Variants in CRACD observed in about 807,000 individuals in gnomAD.
The protein encoded by CRACD is capping protein inhibiting regulator of actin dynamics.
CRACD carries 56 observed loss-of-function variants against 106.8 expected under a neutral mutation model. The ratio of observed to expected loss-of-function variants is 0.52; its 90% confidence interval spans 0.42 to 0.66. CRACD has a LOEUF of 0.66. Among genes scored for constraint, CRACD ranks in the 30% least tolerant of loss-of-function variants. The pLI, the probability that CRACD is intolerant of heterozygous loss-of-function variation, is 0.00. For synonymous variants in CRACD, 754 were observed against 670.8 expected (o/e 1.12, Z -1.92); for missense variants, 1,730 against 1,623.2 (o/e 1.07, Z -1.13).
At chr4:56,159,130 T>C (rs548245632) in intron 1 of CRACD, among the ~76,000 whole-genome samples, 3 of 152,334 alleles carry the variant, frequency 2.0e-5, no homozygotes, top group African/African-American at 4.8e-5. Context: ...TATAAAGTTA[T>C]AGAAAGGAAG....
chr4:56,208,970 G>T (rs1044091698), intron 2 of CRACD, among the ~76,000 whole-genome samples: 1 of 151,998 alleles, frequency 6.6e-6, no homozygotes, highest in African/African-American at 2.4e-5. Context: ...GGCAGAATCT[G>T]TCTCTCTCTC....
At chr4:56,238,575 G>A (rs1740137437) in intron 2 of CRACD, among the ~76,000 whole-genome samples, 2 of 152,214 alleles carry the variant, frequency 1.3e-5, no homozygotes, top group African/African-American at 2.4e-5. Context: ...GGAACATGGA[G>A]AGGATGGATA....
chr4:56,074,986 A>G lies in CRACD; in HGVS notation c.-336+25687A>G, dbSNP rs191897233. ...TGGTTCTGTTTATGTAATGGATTAC[A>G]TTTATTGATTTGTGTATGTTAAACC... On this transcript the variant is annotated intron_variant, in intron 1 of 10. Transcript: ENST00000682029. Among the ~76,000 whole-genome samples the G allele has an allele frequency of 2.5e-3, 381 of 152,284 alleles. 2 individuals carry two copies. Among genetic ancestry groups the G allele is most frequent in the African/African-American group, 8.1e-3 (336 of 41,558 alleles).
intron 3 of CRACD, among the ~76,000 whole-genome samples, chr4:56,285,448 T>C (rs1743281264): frequency 6.6e-6 from 1 of 152,024 alleles, no homozygotes; most frequent in South Asian, 2.1e-4. Context: ...TAATAACTTT[T>C]TTTTTTTAAG....
chr4:56,252,318 C>T (rs1046897957), intron 2 of CRACD, among the ~76,000 whole-genome samples: 7 of 152,192 alleles, frequency 4.6e-5, no homozygotes, highest in Non-Finnish European at 7.3e-5. Context: ...CTTTGAACGC[C>T]TAGGTACACA....
intron 2 of CRACD, among the ~76,000 whole-genome samples, chr4:56,227,954 G>T (rs1350133958): frequency 6.6e-6 from 1 of 152,074 alleles, no homozygotes; most frequent in East Asian, 1.9e-4. Context: ...TTTAGACCTG[G>T]CTCAGTATTG....
intron 1 of CRACD, chr4:56,170,313 G>C (rs1736311689): frequency 6.6e-6 from 1 of 152,286 alleles, no homozygotes; most frequent in African/African-American, 2.4e-5. Context: ...GCTCTGTTGG[G>C]AGTGGGAACC....
intron 3 of CRACD, among the ~76,000 whole-genome samples, chr4:56,296,136 A>G (rs1365859489): frequency 6.6e-6 from 1 of 152,148 alleles, no homozygotes; most frequent in Admixed American, 6.5e-5. Context: ...TGGCAATACT[A>G]TATGACCTTC....
intron 1 of CRACD, among the ~76,000 whole-genome samples, chr4:56,108,719 A>T (rs977563969): frequency 6.6e-6 from 1 of 152,176 alleles, no homozygotes; most frequent in South Asian, 2.1e-4. Context: ...TGATCATGGG[A>T]CAGGGGGCCC....
chr4:56,326,728 G>A (rs1577923454), intron 10 of CRACD, among the ~76,000 whole-genome samples: 1 of 149,920 alleles, frequency 6.7e-6, no homozygotes, highest in East Asian at 2.0e-4. Flanking sequence ...GGATGCTTTT[G>A]TGGGGACGGT....
At chr4:56,068,556 G>A (rs894801276) in intron 1 of CRACD, among the ~76,000 whole-genome samples, 3 of 152,190 alleles carry the variant, frequency 2.0e-5, no homozygotes, top group East Asian at 1.9e-4. Context: ...AGGAGTATAA[G>A]AGCAGGGAGT....
intron 4 of CRACD, among the ~76,000 whole-genome samples, chr4:56,299,143 A>T (rs1744220542): frequency 6.6e-6 from 1 of 152,156 alleles, no homozygotes; most frequent in African/African-American, 2.4e-5. Context: ...ACCCTAAGCC[A>T]CCTTGTCTCA....
intron 1 of CRACD, among the ~76,000 whole-genome samples, chr4:56,108,369 G>A (rs1342471324): frequency 6.6e-6 from 1 of 152,120 alleles, no homozygotes; most frequent in Non-Finnish European, 1.5e-5. Context: ...GTCTGTGCAT[G>A]AGAAAACACC....
chr4:56,210,306 G>A (rs1577742714), intron 2 of CRACD, among the ~76,000 whole-genome samples: 5 of 152,316 alleles, frequency 3.3e-5, no homozygotes, highest in Admixed American at 2.0e-4. Context: ...GGGGGTTTGT[G>A]TACAGATCCA....
intron 1 of CRACD, among the ~76,000 whole-genome samples, chr4:56,073,827 T>C (rs1185529482): frequency 6.6e-6 from 1 of 152,214 alleles, no homozygotes; most frequent in Non-Finnish European, 1.5e-5. Flanking sequence ...AGGGTTTTTA[T>C]GGTTTTAGGT....
intron 1 of CRACD, among the ~76,000 whole-genome samples, chr4:56,058,414 T>G (rs1040887893): frequency 1.3e-5 from 2 of 152,176 alleles, no homozygotes; most frequent in African/African-American, 4.8e-5. Context: ...AGCAATGCTT[T>G]CAGGCTGAAT....
At chr4:56,226,835 T>A (rs1404588102) in intron 2 of CRACD, among the ~76,000 whole-genome samples, 1 of 146,776 alleles carries the variant, frequency 6.8e-6, no homozygotes, top group African/African-American at 2.5e-5. Context: ...CCTTCACACC[T>A]CTCTCTCTCT....
intron 1 of CRACD, among the ~76,000 whole-genome samples, chr4:56,164,096 G>A (rs73155141): frequency 0.057 from 8,701 of 151,526 alleles, 426 homozygotes; most frequent in African/African-American, 0.12. Context: ...AAAAATAGAC[G>A]GGAAGTTTCA....
At position 56,315,115 on chromosome 4, in the gene CRACD, C is replaced by A. The variant is rs757293190; in HGVS notation, c.1613C>A (p.Thr538Lys). 1 of 1,610,822 alleles carries A rather than the reference C, an allele frequency of 6.2e-7. No homozygotes were observed. The highest frequency in any genetic ancestry group is 1.7e-5 in the Admixed American group (1 of 59,636). Residue 538 changes from threonine (T) to lysine (K), a missense_variant, in exon 8 of 11, where the codon ACG becomes AAG. Around this residue, in one of 5 missense-constraint regions of CRACD, gnomAD observed 1,620 missense variants for 1,481.6 expected, o/e 1.09. Transcript: ENST00000682029. This position sits in a 1 kb window ranked among gnomAD's most constrained non-coding sequence, Gnocchi z 4.1. ...AGACAGACCATGCCCCGGCCCTACA[C>A]GTTCCAGGTGTCCTCCGGAGGGAAG... ...DERQTMPRPY[T>K]FQVSSGGKQI...
Sources: gnomAD v4.1 joint callset for allele counts (sites outside exome capture counted in the v4.1 genomes callset) on GRCh38, gnomAD v4.1.1 for gene constraint, gnomAD v4.1.1 regional missense constraint, Gnocchi (gnomAD v3.1) non-coding constraint, MANE v1.5 for transcripts, NCBI Gene and HGNC (gene_info 2026-07-23, HGNC 2026-07-21) for gene names.